The following TCERG1 variants were observed in gnomAD, a reference collection of about 807,000 sequenced individuals.
TCERG1 encodes the protein TATA box binding protein (TBP)-associated factor, RNA polymerase II, S, 150kD.
Under a neutral mutation model 144.7 loss-of-function variants are expected in TCERG1, and 37 were observed. The ratio of observed to expected loss-of-function variants is 0.26; its 90% CI spans 0.20 to 0.34. The LOEUF (loss-of-function observed/expected upper bound fraction) is 0.34. TCERG1 is among the 10% of genes least tolerant of loss of function. The probability of loss-of-function intolerance (pLI) is 1.00; values close to 1 mark genes in which losing one functional copy is unlikely to be tolerated. For missense variants in TCERG1, 1,027 were observed against 1,380.7 expected (o/e 0.74, Z 4.06); for synonymous variants, 492 against 458.2 (o/e 1.07, Z -0.94).
chr5:146,458,815 G>C, intron 3 of TCERG1, 69 bp from the exon 4 acceptor site: 1 of 1,526,660 alleles, frequency 6.6e-7, no homozygotes, highest in Non-Finnish European at 8.8e-7. Context: ...GATAAAATAT[G>C]GTTCCATTCT....
intron 7 of TCERG1, 32 bp downstream of exon 7, chr5:146,469,776 G>C: frequency 7.0e-7 from 1 of 1,435,828 alleles, no homozygotes; most frequent in East Asian, 2.4e-5. Context: ...TTGGAAAGTA[G>C]TATAAACTGT....
chr5:146,454,569 G>GT (rs55714513), intron 1 of TCERG1, among the ~76,000 whole-genome samples: 9,790 of 146,628 alleles, frequency 0.067, 415 homozygotes, highest in Non-Finnish European at 0.088. Flanking sequence ...ATTGATGTAA[G>GT]TTTTTTTTTT....
At chr5:146,475,978 G>C (rs957639456) in intron 9 of TCERG1, among the ~76,000 whole-genome samples, 28 of 151,932 alleles carry the variant, frequency 1.8e-4, no homozygotes, top group Non-Finnish European at 2.1e-4. Context: ...CTCATCTTTG[G>C]TCAGGAGAAG....
At chr5:146,451,091 A>G (rs1317096167) in intron 1 of TCERG1, among the ~76,000 whole-genome samples, 1 of 152,226 alleles carries the variant, frequency 6.6e-6, no homozygotes, top group Non-Finnish European at 1.5e-5. Flanking sequence ...GAAATTGTAC[A>G]GAAATGAATA....
chr5:146,498,024 T>TGG (rs1011733442), intron 16 of TCERG1, among the ~76,000 whole-genome samples: 2 of 152,182 alleles, frequency 1.3e-5, no homozygotes, highest in Non-Finnish European at 2.9e-5. Flanking sequence ...ATTAAGACTA[T>TGG]GGTACTCTAG....
At chr5:146,498,463 T>A in intron 16 of TCERG1, 73 bp from the exon 17 acceptor site, 2 of 1,465,226 alleles carry the variant, frequency 1.4e-6, no homozygotes, top group Non-Finnish European at 1.8e-6. Flanking sequence ...GTTGGAAAAA[T>A]GGTATCTTCT....
intron 16 of TCERG1, 92 bp downstream of exon 16, chr5:146,493,130 A>G (rs927723585): frequency 1.4e-5 from 13 of 938,034 alleles, no homozygotes; most frequent in African/African-American, 3.5e-5. Context: ...TTTTTTGACT[A>G]TTTGGGCACT....
chr5:146,467,490 T>TA (rs958344709), intron 5 of TCERG1, among the ~76,000 whole-genome samples: 1 of 152,220 alleles, frequency 6.6e-6, no homozygotes, highest in African/African-American at 2.4e-5. Context: ...ATTCCCTTTT[T>TA]AAAAATCACC....
chr5:146,456,028 T>C (rs1190559592), intron 2 of TCERG1, among the ~76,000 whole-genome samples: 1 of 152,196 alleles, frequency 6.6e-6, no homozygotes, highest in Non-Finnish European at 1.5e-5. Context: ...AATATAGTGG[T>C]ATCATCTGCC....
intron 12 of TCERG1, among the ~76,000 whole-genome samples, chr5:146,480,866 CAT>C (rs1765300118): frequency 6.6e-6 from 1 of 151,800 alleles, no homozygotes; most frequent in Admixed American, 6.6e-5. Context: ...AAGAATCACT[CAT>C]AATTTATCAG....
intron 9 of TCERG1, among the ~76,000 whole-genome samples, chr5:146,472,261 C>G (rs1376475421): frequency 6.6e-6 from 1 of 152,170 alleles, no homozygotes; most frequent in Non-Finnish European, 1.5e-5. Flanking sequence ...TAGTGCTCCA[C>G]TATCTTGTGC....
At position 146,470,730 on chromosome 5, in the gene TCERG1, T is replaced by G. The variant is rs1561657298; in HGVS notation, c.1494T>G (p.Pro498=). ...AGGAGGAGGATCCTAAAGAAGAGCC[T>G]ATAAAGGAGATAAAGGAGGTAAAGG... ...ETEEEDPKEE[P]IKEIKEEPKE... is the part of the protein sequence containing the mutation. Residue 498 remains proline, a synonymous_variant, in exon 8 of 23, where the codon CCT becomes CCG. Coordinates refer to ENST00000679501, the MANE Select transcript of TCERG1 (RefSeq NM_001382548.1). 6.2e-7 allele frequency: 1 copy of G among 1,612,324 alleles called. No individual in the cohort carries two copies. Among genetic ancestry groups the G allele is most frequent in the Non-Finnish European group, 8.5e-7 (1 of 1,179,498 alleles).
chr5:146,469,936 AT>A, intron 7 of TCERG1, 192 bp downstream of exon 7: 21 of 419,368 alleles, frequency 5.0e-5, no homozygotes, highest in Non-Finnish European at 6.1e-5. Context: ...GTTTGTCATC[AT>A]TTTTTTCCAT....
intron 2 of TCERG1, among the ~76,000 whole-genome samples, chr5:146,456,886 T>C (rs1430496317): frequency 1.3e-5 from 2 of 152,206 alleles, no homozygotes; most frequent in Non-Finnish European, 2.9e-5. Context: ...AAATCAATTT[T>C]TTAAAAAAAG....
At position 146,507,768 on chromosome 5, in the gene TCERG1, A is replaced by G. The variant is rs1287627224; in HGVS notation, c.2962-105A>G. ...AGTCCAGTTACGCTTGGGCATTACA[A>G]GAGATCGCAGGTCAGTGTGTAATAT... On this transcript the variant is annotated intron_variant, in intron 20 of 22. Transcript: ENST00000679501. This position sits in a 1 kb window ranked among gnomAD's most constrained non-coding sequence, Gnocchi z 4.6. The G allele has an allele frequency of 4.5e-6, 3 of 668,722 alleles. No homozygotes were observed. The highest frequency in any genetic ancestry group is 7.3e-6 in the Non-Finnish European group (3 of 409,072). 41.4% of individuals were successfully genotyped at this position (668,722 alleles called of 1,614,324 possible).
In TCERG1 at chr5:146,510,677, A is replaced by C; in HGVS notation, c.*35A>C. The C allele has an allele frequency of 1.9e-6, 3 of 1,578,402 alleles. No individual in the cohort carries two copies. On this transcript the variant is annotated 3_prime_UTR_variant, in exon 23 of 23. Coordinates refer to ENST00000679501, the MANE Select transcript of TCERG1 (RefSeq NM_001382548.1). ...CTCTTCCATAGGGGCATCTATTCAA[A>C]ATGCTTGCATGAGCCAATTTTCAGG...
intron 8 of TCERG1, 71 bp downstream of exon 8, chr5:146,470,819 T>G (rs1764221364): frequency 3.9e-6 from 4 of 1,024,694 alleles, no homozygotes; most frequent in Admixed American, 5.4e-5. Context: ...TATCTGAGTA[T>G]CTATTGGATA....
rs766778876 is a variant in TCERG1, at chr5:146,463,671, A to G, written c.1013A>G (p.Gln338Arg). 2 of 1,614,152 alleles carry G rather than the reference A, an allele frequency of 1.2e-6. No homozygotes were observed. The highest frequency in any genetic ancestry group is 1.7e-6 in the Non-Finnish European group (2 of 1,180,014). Residue 338 changes from glutamine (Q) to arginine (R), a missense_variant, in exon 5 of 23, where the codon CAG becomes CGG. Physicochemically the swap from Gln to Arg is conservative, Grantham distance 43 (BLOSUM62 1). Coordinates refer to ENST00000679501, the MANE Select transcript of TCERG1 (RefSeq NM_001382548.1). The part of the protein sequence containing the change: ...PVQTVPQPHP[Q>R]TLPPAVPHSV... ...CAAACCGTTCCCCAGCCGCACCCTC[A>G]GACGTTACCTCCTGCTGTTCCTCAT...
At chr5:146,450,483 A>C (rs1369442342) in intron 1 of TCERG1, among the ~76,000 whole-genome samples, 2 of 152,238 alleles carry the variant, frequency 1.3e-5, no homozygotes, top group African/African-American at 4.8e-5. Context: ...CATTACTAAT[A>C]TTAATATTAT....
Sources: allele counts gnomAD v4.1 joint callset (sites outside exome capture counted in the v4.1 genomes callset), GRCh38; gene constraint gnomAD v4.1.1; non-coding constraint Gnocchi (gnomAD v3.1); transcripts MANE v1.5; gene names NCBI Gene and HGNC (gene_info 2026-07-23, HGNC 2026-07-21).